Variants in ROR1 observed in about 807,000 individuals in gnomAD.
The protein encoded by ROR1 is ROR family WNT receptor 1.
ROR1 carries 19 observed loss-of-function variants against 78.8 expected under a neutral mutation model. The ratio of observed to expected loss-of-function variants is 0.24; its 90% CI spans 0.17 to 0.35. The LOEUF is 0.35. Among genes scored for constraint, ROR1 ranks in the 10% least tolerant of loss-of-function variants. The pLI is 1.00. For synonymous variants in ROR1, 386 were observed against 433.6 expected (o/e 0.89, Z 1.36); for missense variants, 917 against 1,177.8 (o/e 0.78, Z 3.24).
intron 4 of ROR1, among the ~76,000 whole-genome samples, chr1:64,070,148 A>G (rs574570450): frequency 1.2e-4 from 18 of 152,304 alleles, no homozygotes; most frequent in African/African-American, 4.3e-4. Context: ...CATACACAGT[A>G]TGTGGCCTTT....
At chr1:64,152,923 AT>A (rs1158922607) in intron 7 of ROR1, among the ~76,000 whole-genome samples, 1 of 152,230 alleles carries the variant, frequency 6.6e-6, no homozygotes, top group Non-Finnish European at 1.5e-5. Context: ...TGATGATATT[AT>A]TATTCAACCT....
At chr1:64,149,014 G>GA (rs5774684) in intron 7 of ROR1, among the ~76,000 whole-genome samples, 36,949 of 150,968 alleles carry the variant, frequency 0.24, 5,140 homozygotes, top group East Asian at 0.52. Context: ...GAATCAGATG[G>GA]AAAAAAAAAT....
At chr1:64,005,892 GA>G (rs1315017433) in intron 1 of ROR1, among the ~76,000 whole-genome samples, 1 of 152,018 alleles carries the variant, frequency 6.6e-6, no homozygotes, top group Non-Finnish European at 1.5e-5. Context: ...TTATCTAAAG[GA>G]ATGGATCTTG....
At chr1:64,076,528 A>G (rs1368638723) in intron 4 of ROR1, among the ~76,000 whole-genome samples, 2 of 152,212 alleles carry the variant, frequency 1.3e-5, no homozygotes, top group Non-Finnish European at 2.9e-5. Context: ...GAATGCCACC[A>G]AGAACAAAAT....
At chr1:63,857,749 C>T (rs543251908) in intron 1 of ROR1, among the ~76,000 whole-genome samples, 6 of 152,240 alleles carry the variant, frequency 3.9e-5, no homozygotes, top group East Asian at 3.9e-4. Flanking sequence ...CTTTAAGAGT[C>T]GGTAGAATGA....
intron 5 of ROR1, 102 bp from the exon 6 acceptor site, chr1:64,140,007 G>A (rs1469722327): frequency 1.3e-5 from 14 of 1,066,658 alleles, no homozygotes; most frequent in East Asian, 5.2e-5. Flanking sequence ...TCAGCACGGC[G>A]GATTCCTTGC....
intron 8 of ROR1, among the ~76,000 whole-genome samples, chr1:64,165,210 G>A (rs564549040): frequency 6.6e-6 from 1 of 152,338 alleles, no homozygotes; most frequent in Non-Finnish European, 1.5e-5. Flanking sequence ...CCCATCAACA[G>A]TGTATAAGCG....
chr1:63,782,795 G>T (rs1408021331), intron 1 of ROR1, among the ~76,000 whole-genome samples: 1 of 152,150 alleles, frequency 6.6e-6, no homozygotes, highest in Non-Finnish European at 1.5e-5. Context: ...GAATCTAGAA[G>T]AATGAAGGGT....
At chr1:63,906,281 AG>A (rs1403097249) in intron 1 of ROR1, among the ~76,000 whole-genome samples, 1 of 131,452 alleles carries the variant, frequency 7.6e-6, no homozygotes, top group Non-Finnish European at 1.8e-5. Flanking sequence ...TATGGATTAC[AG>A]GAGTGATCTC....
At chr1:64,033,402 C>T (rs1569587305) in intron 2 of ROR1, among the ~76,000 whole-genome samples, 1 of 152,284 alleles carries the variant, frequency 6.6e-6, no homozygotes, top group South Asian at 2.1e-4. Context: ...ACACTGCTGA[C>T]AAGTAACAGA....
chr1:63,826,286 CTA>C (rs774809916), intron 1 of ROR1, among the ~76,000 whole-genome samples: 3 of 152,058 alleles, frequency 2.0e-5, no homozygotes, highest in Non-Finnish European at 4.4e-5. Flanking sequence ...TTGTTCCCCT[CTA>C]TGTGTTTATG....
intron 4 of ROR1, among the ~76,000 whole-genome samples, chr1:64,090,655 C>A (rs1647188261): frequency 6.6e-6 from 1 of 152,168 alleles, no homozygotes; most frequent in East Asian, 1.9e-4. Flanking sequence ...CTCTTGATTA[C>A]ACAGAGGAAG....
In ROR1 at chr1:63,774,428, C is replaced by G; in HGVS notation, c.11C>G (p.Pro4Arg). 9 of 1,177,422 alleles carry G rather than the reference C, an allele frequency of 7.6e-6. No homozygotes were observed. The highest frequency in any genetic ancestry group is 9.4e-6 in the Non-Finnish European group (9 of 957,838). The allele number at this position is 1,177,422 out of a possible 1,614,324, so 72.9% of individuals were successfully genotyped here. ...TCAGCGAGAGGAGGAATGCACCGGC[C>G]GCGCCGCCGCGGGACGCGCCCGCCG... Reference protein sequence around the residue: MHRPRRRGTRPPLL... With the variant: MHRRRRRGTRPPLL... The change falls in exon 1 of 9, where the codon CCG (proline) becomes CGG (arginine). Residue 4 changes from proline (P) to arginine (R), a missense_variant. Physicochemically the swap from Pro to Arg is moderately radical, Grantham distance 103. Around this residue, in one of 3 missense-constraint regions of ROR1, gnomAD observed 63 missense variants for 57.0 expected, o/e 1.10. Transcript: ENST00000371079. The surrounding 1 kb of genome is among the most constrained non-coding windows in gnomAD (Gnocchi z 5.7).
intron 1 of ROR1, among the ~76,000 whole-genome samples, chr1:63,924,825 G>T (rs992442497): frequency 2.0e-5 from 3 of 151,976 alleles, no homozygotes; most frequent in African/African-American, 4.8e-5. Context: ...ATCTCTAAAG[G>T]AGTGACATCT....
chr1:63,978,724 G>A (rs1217483235), intron 1 of ROR1, among the ~76,000 whole-genome samples: 1 of 152,154 alleles, frequency 6.6e-6, no homozygotes, highest in African/African-American at 2.4e-5. Context: ...CAGCATTGTT[G>A]GTGATAGCTG....
chr1:63,912,689 G>A (rs1178578011), intron 1 of ROR1, among the ~76,000 whole-genome samples: 1 of 152,128 alleles, frequency 6.6e-6, no homozygotes, highest in Non-Finnish European at 1.5e-5. Flanking sequence ...CTAAGAGGCT[G>A]GGTTGCCTTG....
rs1018996642 is a variant in ROR1 at position 64,097,572 on chromosome 1, A to G, written c.483-39797A>G. On this transcript the variant is annotated intron_variant, in intron 4 of 8. Transcript: ENST00000371079. ...ATACATACATATATACATATTTCATATAGTATATATATATATAAGGCCTTG... is the reference window on the plus strand; with the variant it reads ...ATACATACATATATACATATTTCATGTAGTATATATATATATAAGGCCTTG... Among the ~76,000 whole-genome samples the G allele has an allele frequency of 3.3e-5, 3 of 89,612 alleles. No homozygotes were observed. In the Admixed American group the frequency reaches 3.4e-4, roughly 10 times the overall value. The allele number at this position is 89,612 out of a possible 152,430, so 58.8% of individuals were successfully genotyped here. A position where few individuals can be genotyped will look rare whatever the true frequency, so the allele number is the denominator to read the frequency against.
chr1:64,146,757 A>T (rs1649485160), intron 7 of ROR1, among the ~76,000 whole-genome samples: 1 of 152,178 alleles, frequency 6.6e-6, no homozygotes, highest in African/African-American at 2.4e-5. Context: ...GCTAGGAGGG[A>T]TGAAAGAAAC....
chr1:63,795,870 T>C (rs747270393), intron 1 of ROR1, among the ~76,000 whole-genome samples: 1 of 152,178 alleles, frequency 6.6e-6, no homozygotes, highest in African/African-American at 2.4e-5. Context: ...TAGGGGAAAC[T>C]TAGTATGTAA....
Sources: gnomAD v4.1 joint callset for allele counts (sites outside exome capture counted in the v4.1 genomes callset) on GRCh38, gnomAD v4.1.1 for gene constraint, gnomAD v4.1.1 regional missense constraint, Gnocchi (gnomAD v3.1) non-coding constraint, MANE v1.5 for transcripts, NCBI Gene and HGNC (gene_info 2026-07-23, HGNC 2026-07-21) for gene names.